Variants in DROSHA observed in about 807,000 individuals in gnomAD.
DROSHA encodes the protein drosha ribonuclease III, also known as ribonuclease 3.
DROSHA carries 56 observed loss-of-function variants against 181.9 expected under a neutral mutation model. That is an observed-to-expected ratio of 0.31 (90% CI 0.25 to 0.38). The LOEUF (loss-of-function observed/expected upper bound fraction) is 0.38, where lower values mean the gene tolerates loss of function less well. Among genes scored for constraint, DROSHA ranks in the 10% least tolerant of loss-of-function variants. The pLI is 1.00. For missense variants in DROSHA, 1,218 were observed against 1,743.5 expected, an observed-to-expected ratio of 0.70 and a Z score of 5.37; for synonymous variants, 524 against 591.2, an observed-to-expected ratio of 0.89 and a Z score of 1.65.
At position 31,515,227 on chromosome 5, in the gene DROSHA, A is replaced by G; in HGVS notation, c.1059-8T>C. ...TCCCTACTTGGGGAGCGACTTCAAA[A>G]GAGGGCAAAGGAGGTTAATTATTAA... On this transcript the variant is annotated splice_region_variant and splice_polypyrimidine_tract_variant and intron_variant, in intron 7 of 35. Coordinates refer to ENST00000344624, the MANE Select transcript of DROSHA (RefSeq NM_001382508.1). The G allele has an allele frequency of 6.2e-7, 1 of 1,606,324 alleles. No homozygotes were observed. Among genetic ancestry groups the G allele is most frequent in the South Asian group, 1.1e-5 (1 of 88,890 alleles).
At chr5:31,408,900 T>C (rs554168229) in intron 33 of DROSHA, 156 bp downstream of exon 33, 3 of 637,830 alleles carry the variant, frequency 4.7e-6, no homozygotes, top group Middle Eastern at 8.8e-4. Context: ...CCAGTGAGTT[T>C]CCCTGTGGGG....
At chr5:31,507,502 T>C (rs1012637662) in intron 10 of DROSHA, among the ~76,000 whole-genome samples, 2 of 149,406 alleles carry the variant, frequency 1.3e-5, no homozygotes, top group Non-Finnish European at 3.0e-5. Context: ...GACGCCCCTA[T>C]AGTCCTAGAT....
chr5:31,517,586 T>G (rs1217605184), intron 6 of DROSHA, among the ~76,000 whole-genome samples: 2 of 152,234 alleles, frequency 1.3e-5, no homozygotes, highest in Non-Finnish European at 2.9e-5. Context: ...ACGTAATACA[T>G]ATTCTTGAAT....
chr5:31,504,850 C>A (rs1324508014), intron 10 of DROSHA, among the ~76,000 whole-genome samples: 2 of 152,186 alleles, frequency 1.3e-5, no homozygotes, highest in Non-Finnish European at 2.9e-5. Context: ...ACACCACATT[C>A]CTGAGTTATT....
intron 9 of DROSHA, among the ~76,000 whole-genome samples, chr5:31,510,365 TTGCCCAGTATGGATAAC>T (rs1364899806): frequency 6.6e-6 from 1 of 152,158 alleles, no homozygotes; most frequent in Non-Finnish European, 1.5e-5. Context: ...TCAGGTGTCT[TTGCCCAGTATGGATAAC>T]TGCCTCTCAG....
intron 30 of DROSHA, among the ~76,000 whole-genome samples, chr5:31,418,218 GGTGTGT>G (rs746849120): frequency 1.3e-5 from 2 of 149,360 alleles, no homozygotes; most frequent in Non-Finnish European, 3.0e-5. Context: ...ATGTGTGTGT[GGTGTGT>G]GTGTGTGTGT....
Position 31,515,127 on chromosome 5 carries a change from T to C in DROSHA, c.1151A>G (p.Tyr384Cys). ...GGGCTCTTTTTCCTTGATTGAGGTA[T>C]AGTTCTTGTCTTTGCCAGAACTCTG... is the stretch of plus-strand genomic sequence containing the variant. Reference protein sequence around the residue: ...DNQSSGKDKNYTSIKEKEPEE... With the variant: ...DNQSSGKDKNCTSIKEKEPEE... The change falls in exon 8 of 36, where the codon TAT becomes TGT. Residue 384 changes from tyrosine to cysteine, a missense_variant. Tyr to Cys is a radical substitution (Grantham distance 194). This residue lies in a region of DROSHA where 536 missense variants were observed against 535.4 expected (regional missense o/e 1.00). Transcript: ENST00000344624. The C allele has an allele frequency of 6.2e-7, 1 of 1,614,034 alleles. No individual in the cohort carries two copies. The highest frequency in any genetic ancestry group is 8.5e-7 in the Non-Finnish European group (1 of 1,179,896).
rs1481054525 is a variant in DROSHA, at chr5:31,409,891, G to C, written c.3668-559C>G. 1.3e-5 allele frequency among the ~76,000 whole-genome samples: 2 copies of C among 151,432 alleles called. No individual in the cohort carries two copies. The highest frequency in any genetic ancestry group is 2.9e-5 in the Non-Finnish European group (2 of 67,952). ...TTAATAAATGGTGACCCCCTAGGAT[G>C]ACTTCATTTAAAGGTACCTTGACAA... On this transcript the variant is annotated intron_variant, in intron 31 of 35. Transcript: ENST00000344624. The surrounding 1 kb of genome is among the most constrained non-coding windows in gnomAD (Gnocchi z 4.0).
chr5:31,468,339 G>T (rs1749338014), intron 17 of DROSHA, among the ~76,000 whole-genome samples: 1 of 152,112 alleles, frequency 6.6e-6, no homozygotes, highest in Non-Finnish European at 1.5e-5. Flanking sequence ...CTTTTAAAAG[G>T]ACACCTAGTC....
At chr5:31,494,967 C>A (rs1305716260) in intron 12 of DROSHA, among the ~76,000 whole-genome samples, 1 of 152,182 alleles carries the variant, frequency 6.6e-6, no homozygotes, top group Admixed American at 6.5e-5. Context: ...AGCCACCGCG[C>A]CCGGCCACCA....
chr5:31,489,613 A>C (rs1189593069), intron 13 of DROSHA, among the ~76,000 whole-genome samples: 4 of 152,198 alleles, frequency 2.6e-5, no homozygotes, highest in African/African-American at 9.6e-5. Context: ...GACTACCATC[A>C]TGTTTGAATA....
In DROSHA at chr5:31,449,310, T is replaced by C; in HGVS notation, c.2792A>G (p.Lys931Arg). The change falls in exon 22 of 36, where the codon AAA (lysine) becomes AGA (arginine). Residue 931 changes from lysine to arginine, a missense_variant. Lys to Arg is a conservative substitution (Grantham distance 26). Around this residue, in one of 8 missense-constraint regions of DROSHA, gnomAD observed 460 missense variants for 774.2 expected, o/e 0.59. Transcript: ENST00000344624. Reference protein sequence around the residue: ...GIRQPKYGDRKVHHMHMRKKG... With the variant: ...GIRQPKYGDRRVHHMHMRKKG... ...CTTCCGCATGTGCATGTGATGAACT[T>C]TTCTGTCTCCGTATTTGGGCTGCCG... 1 of 1,613,830 alleles carries C rather than the reference T, an allele frequency of 6.2e-7. No homozygotes were observed. The highest frequency in any genetic ancestry group is 8.5e-7 in the Non-Finnish European group (1 of 1,179,836).
chr5:31,459,428 A>C (rs1387659210), intron 20 of DROSHA, among the ~76,000 whole-genome samples: 2 of 151,996 alleles, frequency 1.3e-5, no homozygotes, highest in Non-Finnish European at 2.9e-5. Context: ...AAAAAAAAAA[A>C]AAAAAAAATC....
chr5:31,504,795 G>A (rs1355986178), intron 10 of DROSHA, among the ~76,000 whole-genome samples, 160 bp from the exon 11 acceptor site: 1 of 152,190 alleles, frequency 6.6e-6, no homozygotes, highest in African/African-American at 2.4e-5. Context: ...AACCAATAAA[G>A]CTGCAAACTG....
chr5:31,483,492 A>C (rs529755890), intron 16 of DROSHA, 62 bp downstream of exon 16: 1 of 1,553,972 alleles, frequency 6.4e-7, no homozygotes, highest in East Asian at 2.2e-5. Context: ...CTGAAAGGAA[A>C]ATGGCAAGCT....
chr5:31,502,635 T>C (rs1276726423), intron 11 of DROSHA, among the ~76,000 whole-genome samples: 1 of 152,248 alleles, frequency 6.6e-6, no homozygotes, highest in African/African-American at 2.4e-5. Flanking sequence ...CCTGGGCAGA[T>C]GGCCCGGATC....
chr5:31,448,698 CA>C, intron 22 of DROSHA, 91 bp from the exon 23 acceptor site: 1 of 940,310 alleles, frequency 1.1e-6, no homozygotes, highest in Non-Finnish European at 1.6e-6. Flanking sequence ...TATCTCATCT[CA>C]ATGTGATTTT....
intron 20 of DROSHA, among the ~76,000 whole-genome samples, chr5:31,462,047 A>G (rs1316084406): frequency 6.6e-6 from 1 of 152,044 alleles, no homozygotes; most frequent in Non-Finnish European, 1.5e-5. Flanking sequence ...TTTTGGTTTT[A>G]ATAGTTCACT....
chr5:31,478,417 C>A (rs189651652), intron 16 of DROSHA, among the ~76,000 whole-genome samples: 117 of 152,320 alleles, frequency 7.7e-4, no homozygotes, highest in Non-Finnish European at 1.4e-3. Flanking sequence ...GTGGGTTGGA[C>A]AAGCTTGGAC....
Sources: gnomAD v4.1 joint callset for allele counts (sites outside exome capture counted in the v4.1 genomes callset) on GRCh38, gnomAD v4.1.1 for gene constraint, gnomAD v4.1.1 regional missense constraint, Gnocchi (gnomAD v3.1) non-coding constraint, MANE v1.5 for transcripts, NCBI Gene and HGNC (gene_info 2026-07-23, HGNC 2026-07-21) for gene names.